The following MIS18BP1 variants were observed in gnomAD, a reference collection of about 807,000 sequenced individuals.
MIS18BP1 encodes the protein MIS18 binding protein 1.
In MIS18BP1, 72 loss-of-function variants were observed where a neutral mutation model predicts 116.1. That is an observed-to-expected ratio of 0.62 (90% CI 0.51 to 0.75). The LOEUF (loss-of-function observed/expected upper bound fraction) is 0.75. Among genes scored for constraint, MIS18BP1 ranks in the 30% least tolerant of loss-of-function variants. The probability of loss-of-function intolerance (pLI) is 0.00; values close to 1 mark genes in which losing one functional copy is unlikely to be tolerated. For missense variants in MIS18BP1, 1,363 were observed against 1,303.2 expected (o/e 1.05, Z -0.71); for synonymous variants, 386 against 427.0 (o/e 0.90, Z 1.18).
At position 45,242,037 on chromosome 14, in the gene MIS18BP1, A is replaced by AT. The variant is rs751180035; in HGVS notation, c.1139dup (p.Asn380LysfsTer12). 5.6e-6 allele frequency: 9 copies of AT among 1,593,922 alleles called. No individual in the cohort carries two copies. The highest frequency in any genetic ancestry group is 2.3e-5 in the South Asian group (2 of 87,252). ...TCTGTCTTAAAAGTTTTCCCACCTG[A>AT]TTTTTTTTAAGTCCATTTGTAACAG... is the stretch of plus-strand genomic sequence containing the variant. On this transcript the variant is annotated frameshift_variant, in exon 4 of 17. Transcript: ENST00000310806. LOFTEE classifies it high-confidence loss of function.
intron 8 of MIS18BP1, among the ~76,000 whole-genome samples, chr14:45,228,799 A>C (rs935586577): frequency 3.9e-5 from 6 of 152,240 alleles, no homozygotes; most frequent in African/African-American, 1.4e-4. Context: ...AACAGAGATA[A>C]AGTGCTTTAA....
At chr14:45,239,193 T>C (rs572790316) in intron 4 of MIS18BP1, among the ~76,000 whole-genome samples, 34 of 152,154 alleles carry the variant, frequency 2.2e-4, no homozygotes, top group African/African-American at 7.5e-4. Flanking sequence ...ATAGTGGAGA[T>C]TGAGTGAGAA....
At position 45,217,052 on chromosome 14, in the gene MIS18BP1, G is replaced by GA. The variant is rs374195002; in HGVS notation, c.2969dup (p.Ser991GlnfsTer19). The GA allele has an allele frequency of 6.2e-7, 1 of 1,614,058 alleles. No individual in the cohort carries two copies. Among genetic ancestry groups the GA allele is most frequent in the Non-Finnish European group, 8.5e-7 (1 of 1,179,972 alleles). Reference sequence around the variant, plus strand: ...TTTGATGCTGTAAAGGTGTTGTACTGAAAAAATCATCATGGTCATCTTTTG... The same window carrying GA: ...TTTGATGCTGTAAAGGTGTTGTACTGAAAAAAATCATCATGGTCATCTTTTG... On this transcript the variant is annotated frameshift_variant, in exon 13 of 17. Transcript: ENST00000310806. LOFTEE classifies it high-confidence loss of function.
chr14:45,220,923 T>G (rs1170379234), intron 11 of MIS18BP1, among the ~76,000 whole-genome samples: 1 of 151,676 alleles, frequency 6.6e-6, no homozygotes, highest in African/African-American at 2.4e-5. Flanking sequence ...TCACTTGAGG[T>G]CAGGAGTTCG....
intron 15 of MIS18BP1, among the ~76,000 whole-genome samples, chr14:45,205,442 G>A (rs1890488444): frequency 1.3e-5 from 2 of 151,962 alleles, no homozygotes; most frequent in Admixed American, 1.3e-4. Context: ...CAGAATCCTA[G>A]TACTTATATA....
At chr14:45,231,942 A>G (rs1298356712) in intron 7 of MIS18BP1, among the ~76,000 whole-genome samples, 5 of 152,210 alleles carry the variant, frequency 3.3e-5, no homozygotes, top group Non-Finnish European at 7.4e-5. Context: ...TGAAAAAAAA[A>G]GGAGGAAGAA....
chr14:45,247,482 T>A (rs1322480107), intron 1 of MIS18BP1, 105 bp from the exon 2 acceptor site: 1 of 454,438 alleles, frequency 2.2e-6, no homozygotes, highest in Non-Finnish European at 3.8e-6. Flanking sequence ...TTTAACTGGT[T>A]CATAACAATA....
intron 14 of MIS18BP1, among the ~76,000 whole-genome samples, chr14:45,208,401 C>T (rs1273677964): frequency 3.5e-5 from 5 of 144,752 alleles, no homozygotes; most frequent in East Asian, 2.1e-4. Flanking sequence ...GGCGTGATCT[C>T]GGCTCACTGC....
chr14:45,244,116 C>T (rs188563788), intron 2 of MIS18BP1, among the ~76,000 whole-genome samples: 54 of 152,258 alleles, frequency 3.5e-4, no homozygotes, highest in African/African-American at 1.3e-3. Flanking sequence ...AATATACCCA[C>T]AACCTACTGT....
In MIS18BP1 at chr14:45,235,889, T is replaced by A. The variant is rs761167664; in HGVS notation, c.1273A>T (p.Asn425Tyr). The change falls in exon 6 of 17, where the codon AAC (asparagine) becomes TAC (tyrosine). Residue 425 changes from asparagine (N) to tyrosine (Y), a missense_variant. Coordinates refer to ENST00000310806, the MANE Select transcript of MIS18BP1 (RefSeq NM_018353.5). ...TTGCCTGATATAGTCCTAAGTTTGT[T>A]GTGCTCAATCCGCTCTATAATTACA... ...SNVIIERIEH[N>Y]KLRTISGNVY... The A allele has an allele frequency of 1.2e-6, 2 of 1,611,832 alleles. No homozygotes were observed. Among genetic ancestry groups the A allele is most frequent in the Non-Finnish European group, 1.7e-6 (2 of 1,178,718 alleles).
In MIS18BP1 at chr14:45,234,130, G is replaced by T. The variant is rs1393792509; in HGVS notation, c.1349-1310C>A. 2.0e-5 allele frequency among the ~76,000 whole-genome samples: 3 copies of T among 152,016 alleles called. No individual in the cohort carries two copies. In the East Asian group the frequency reaches 5.8e-4, roughly 30 times the overall value. Reference sequence around the variant, plus strand: ...CAAAAAGGTAAGTATGATTAACTCTGTTCAAAGTGTATACTGAATGTAGCA... The same window carrying T: ...CAAAAAGGTAAGTATGATTAACTCTTTTCAAAGTGTATACTGAATGTAGCA... On this transcript the variant is annotated intron_variant, in intron 6 of 16. Coordinates refer to ENST00000310806, the MANE Select transcript of MIS18BP1 (RefSeq NM_018353.5).
rs137985174 is a variant in MIS18BP1 at position 45,226,859 on chromosome 14, G to T, written c.1747-23C>A. The T allele has an allele frequency of 5.4e-4, 716 of 1,318,782 alleles. 1 individual carries two copies. Among genetic ancestry groups the T allele is most frequent in the Non-Finnish European group, 6.5e-4 (649 of 1,005,626 alleles). The allele number at this position is 1,318,782 out of a possible 1,614,324, so 81.7% of individuals were successfully genotyped here. Reference sequence around the variant, plus strand: ...TTCCTTCAAAACAAAAAGATACCTAGGTTTTATTTTAAAACTACTACCAAA... The same window carrying T: ...TTCCTTCAAAACAAAAAGATACCTATGTTTTATTTTAAAACTACTACCAAA... On this transcript the variant is annotated intron_variant, in intron 9 of 16. Transcript: ENST00000310806.
chr14:45,234,503 G>A (rs1051873430), intron 6 of MIS18BP1, among the ~76,000 whole-genome samples: 2 of 152,160 alleles, frequency 1.3e-5, no homozygotes, highest in African/African-American at 2.4e-5. Flanking sequence ...CAGGTGAGTA[G>A]ATGTGGTAAA....
At chr14:45,220,264 T>G (rs1890937497) in intron 11 of MIS18BP1, among the ~76,000 whole-genome samples, 1 of 152,138 alleles carries the variant, frequency 6.6e-6, no homozygotes, top group East Asian at 1.9e-4. Flanking sequence ...ACCCATTCTT[T>G]CAGTATTTCC....
At chr14:45,232,145 G>C (rs904644193) in intron 7 of MIS18BP1, among the ~76,000 whole-genome samples, 1 of 151,940 alleles carries the variant, frequency 6.6e-6, no homozygotes, top group African/African-American at 2.4e-5. Flanking sequence ...AGGCGGGCGC[G>C]GTGTCTCACG....
chr14:45,204,493 T>C, intron 15 of MIS18BP1, 40 bp from the exon 16 acceptor site: 1 of 1,473,276 alleles, frequency 6.8e-7, no homozygotes, highest in Non-Finnish European at 9.3e-7. Flanking sequence ...TGGTACCTCC[T>C]GGTGAAGTCT....
In MIS18BP1 at chr14:45,246,740, A is replaced by AACCTCTT. The variant is rs774783918; in HGVS notation, c.540_544+2dup. On this transcript the variant is annotated splice_region_variant and intron_variant, in intron 2 of 16. Transcript: ENST00000310806. ...AGCTTTTTAGCTAACACATAAAACTAACCTCTTAGTGAACTGTCATCTGAC... is the reference window on the plus strand; with the variant it reads ...AGCTTTTTAGCTAACACATAAAACTAACCTCTTACCTCTTAGTGAACTGTCATCTGAC... The AACCTCTT allele has an allele frequency of 6.5e-5, 100 of 1,549,746 alleles. No homozygotes were observed. Among genetic ancestry groups the AACCTCTT allele is most frequent in the Non-Finnish European group, 1.2e-5 (14 of 1,156,170 alleles).
At chr14:45,226,877 C>T in intron 9 of MIS18BP1, 41 bp from the exon 10 acceptor site, 1 of 1,276,878 alleles carries the variant, frequency 7.8e-7, no homozygotes, top group Non-Finnish European at 1.0e-6. Flanking sequence ...TTTAAAACTA[C>T]TACCAAAACA....
In MIS18BP1 at chr14:45,247,336, G is replaced by C; in HGVS notation, c.-50C>G. On this transcript the variant is annotated 5_prime_UTR_variant, in exon 2 of 17. Transcript: ENST00000310806. ...TTCTTCTAACAGAAAATTCACTTAA[G>C]CGCAATTTTCAGATAGAACTTCAGA... is the stretch of plus-strand genomic sequence containing the variant. 6.8e-7 allele frequency: 1 copy of C among 1,469,070 alleles called. No homozygotes were observed. The highest frequency in any genetic ancestry group is 9.0e-7 in the Non-Finnish European group (1 of 1,106,652). The allele number at this position is 1,469,070 out of a possible 1,614,324, so 91.0% of individuals were successfully genotyped here.
Sources: allele counts gnomAD v4.1 joint callset (sites outside exome capture counted in the v4.1 genomes callset), GRCh38; gene constraint gnomAD v4.1.1; transcripts MANE v1.5; gene names NCBI Gene and HGNC (gene_info 2026-07-23, HGNC 2026-07-21).